Variants in TTC6 observed in about 807,000 individuals in gnomAD.
The protein encoded by TTC6 is tetratricopeptide repeat protein 6.
Under a neutral mutation model 210.4 loss-of-function variants are expected in TTC6, and 172 were observed. The ratio of observed to expected loss-of-function variants is 0.82; its 90% confidence interval spans 0.72 to 0.93. The LOEUF is 0.93. Ranked by LOEUF, TTC6 falls within the 40% of genes least tolerant of loss-of-function variation. The pLI, the probability that TTC6 is intolerant of heterozygous loss-of-function variation, is 0.00. For missense variants in TTC6, 2,414 were observed against 2,318.1 expected, an observed-to-expected ratio of 1.04 and a Z score of -0.85; for synonymous variants, 804 against 819.6, an observed-to-expected ratio of 0.98 and a Z score of 0.32.
intron 14 of TTC6, among the ~76,000 whole-genome samples, chr14:37,766,370 C>A (rs1244810383): frequency 1.3e-5 from 2 of 152,214 alleles, no homozygotes; most frequent in Non-Finnish European, 2.9e-5. Flanking sequence ...CCTCTCTCCA[C>A]TCTCAAGTAG....
chr14:37,689,937 A>G (rs1035969930), intron 3 of TTC6, among the ~76,000 whole-genome samples: 5 of 152,166 alleles, frequency 3.3e-5, no homozygotes, highest in Non-Finnish European at 7.4e-5. Flanking sequence ...ACCACCATAA[A>G]TGTGGTGTGT....
intron 1 of TTC6, among the ~76,000 whole-genome samples, chr14:37,654,925 G>A (rs534351887): frequency 3.7e-4 from 57 of 152,264 alleles, no homozygotes; most frequent in Non-Finnish European, 6.5e-4. Context: ...ATCTATTTAT[G>A]TTTATCTGAA....
chr14:37,838,876 G>A (rs1169695931), intron 29 of TTC6, among the ~76,000 whole-genome samples: 1 of 151,956 alleles, frequency 6.6e-6, no homozygotes, highest in African/African-American at 2.4e-5. Context: ...ATTGTTCAAC[G>A]CCCACTTATG....
chr14:37,762,862 TTTTTCTTTTC>T (rs773724868), intron 14 of TTC6, among the ~76,000 whole-genome samples: 4 of 150,720 alleles, frequency 2.7e-5, no homozygotes, highest in Non-Finnish European at 4.4e-5. Context: ...TTTCTTTTTC[TTTTTCTTTTC>T]TTTTCTTTTC....
chr14:37,804,056 C>CA (rs2096112980), intron 20 of TTC6, among the ~76,000 whole-genome samples: 1 of 152,120 alleles, frequency 6.6e-6, no homozygotes, highest in Non-Finnish European at 1.5e-5. Flanking sequence ...TTGACTTTTT[C>CA]ATTTAATGAG....
chr14:37,739,348 G>A (rs1046160311), intron 10 of TTC6, among the ~76,000 whole-genome samples, 193 bp downstream of exon 12: 2 of 151,934 alleles, frequency 1.3e-5, no homozygotes, highest in Non-Finnish European at 2.9e-5. Context: ...AGGCAGAGGC[G>A]GGCGGATCAA....
intron 29 of TTC6, among the ~76,000 whole-genome samples, chr14:37,834,151 T>C (rs1392680249): frequency 6.6e-6 from 1 of 152,190 alleles, no homozygotes; most frequent in Non-Finnish European, 1.5e-5. Context: ...AGTTTGATGA[T>C]AATGTGCCTT....
At chr14:37,790,722 A>G (rs748605852) in exon 16 of TTC6, 3 of 1,533,532 alleles carry the variant, frequency 2.0e-6, no homozygotes, top group African/African-American at 1.4e-5. Flanking sequence ...TTAAGCACTC[A>G]TAAATGATGG....
At chr14:37,624,462 C>CT (rs2095656726) in intron 1 of TTC6, among the ~76,000 whole-genome samples, 1 of 152,016 alleles carries the variant, frequency 6.6e-6, no homozygotes, top group Non-Finnish European at 1.5e-5. Context: ...TCCAGAGGTC[C>CT]CGTACAGTTG....
exon 25 of TTC6, chr14:37,812,419 G>A (rs764957514): frequency 6.2e-7 from 1 of 1,606,058 alleles, no homozygotes; most frequent in Admixed American, 1.7e-5. Flanking sequence ...AGGCCAGTAT[G>A]GCTTTGCACT....
chr14:37,672,809 C>G (rs553084588), intron 1 of TTC6, among the ~76,000 whole-genome samples: 21 of 140,492 alleles, frequency 1.5e-4, no homozygotes, highest in African/African-American at 4.9e-4. Context: ...GCAAGCTTTT[C>G]ATGAATTCCT....
intron 2 of TTC6, among the ~76,000 whole-genome samples, chr14:37,610,233 C>G (rs962382990): frequency 1.3e-5 from 2 of 152,170 alleles, no homozygotes; most frequent in African/African-American, 2.4e-5. Context: ...TCAGAGGCCC[C>G]GCTCTAGGGA....
At chr14:37,698,713 A>G (rs571225008) in intron 4 of TTC6, among the ~76,000 whole-genome samples, 2 of 152,264 alleles carry the variant, frequency 1.3e-5, no homozygotes, top group African/African-American at 4.8e-5. Flanking sequence ...ACCACTCTCT[A>G]TTAATGATTC....
At chr14:37,720,076 A>G (rs1322013955) in intron 6 of TTC6, among the ~76,000 whole-genome samples, 2 of 152,224 alleles carry the variant, frequency 1.3e-5, no homozygotes, top group Non-Finnish European at 2.9e-5. Context: ...ATGGCAAAGA[A>G]GCATATGAAA....
chr14:37,677,169 A>G (rs989822501), intron 1 of TTC6, among the ~76,000 whole-genome samples: 2 of 152,088 alleles, frequency 1.3e-5, no homozygotes, highest in African/African-American at 4.8e-5. Flanking sequence ...CATCTTAACA[A>G]TATTAAGTCT....
At chr14:37,667,463 C>G (rs947425969) in intron 1 of TTC6, among the ~76,000 whole-genome samples, 3 of 150,306 alleles carry the variant, frequency 2.0e-5, no homozygotes, top group Non-Finnish European at 3.0e-5. Context: ...AGCTTAACTT[C>G]TTCATTCATT....
At chr14:37,768,473 T>A (rs2096006595) in intron 14 of TTC6, among the ~76,000 whole-genome samples, 2 of 152,318 alleles carry the variant, frequency 1.3e-5, no homozygotes, top group Non-Finnish European at 1.5e-5. Flanking sequence ...CTCTTTTATT[T>A]CATTGAGCAG....
At chr14:37,623,128 A>G (rs2095654650) in intron 1 of TTC6, 125 bp downstream of exon 3, 2 of 652,822 alleles carry the variant, frequency 3.1e-6, no homozygotes. Context: ...TAACACAAAA[A>G]CACTGGGGTG....
chr14:37,740,162 C>CAAAA (rs71127237), intron 10 of TTC6, among the ~76,000 whole-genome samples: 3 of 129,564 alleles, frequency 2.3e-5, no homozygotes, highest in African/African-American at 2.9e-5. Flanking sequence ...GACTCCGTCT[C>CAAAA]AAAAAAAAAA....
Sources: gnomAD v4.1 joint callset for allele counts (sites outside exome capture counted in the v4.1 genomes callset) on GRCh38, gnomAD v4.1.1 for gene constraint, MANE v1.5 for transcripts, NCBI Gene and HGNC (gene_info 2026-07-23, HGNC 2026-07-21) for gene names.